PCDHA8: variants seen among roughly 807,000 people sequenced by gnomAD.
PCDHA8 encodes protocadherin alpha 8.
In PCDHA8, 53 loss-of-function variants were observed where a neutral mutation model predicts 61.8. The observed-to-expected ratio is 0.86, with a 90% CI of 0.69 to 1.08. The LOEUF is 1.08. PCDHA8 is among the 50% of genes least tolerant of loss of function. The pLI is 0.00. For synonymous variants in PCDHA8, 618 were observed against 556.6 expected (o/e 1.11, Z -1.55); for missense variants, 1,293 against 1,245.0 (o/e 1.04, Z -0.58).
intron 3 of PCDHA8, among the ~76,000 whole-genome samples, chr5:141,005,306 C>T (rs1563689503): frequency 6.6e-6 from 1 of 152,158 alleles, no homozygotes; most frequent in Non-Finnish European, 1.5e-5. Context: ...CTTTGTGAAT[C>T]TTACAGTGGT....
chr5:140,985,739 CTTTTTTT>C (rs11372071), intron 3 of PCDHA8, among the ~76,000 whole-genome samples: 2 of 117,922 alleles, frequency 1.7e-5, no homozygotes, highest in African/African-American at 6.4e-5. Flanking sequence ...TGATGAATTC[CTTTTTTT>C]TTTTTTTTTT....
At chr5:140,942,351 G>GCAGTTAA (rs1563195355) in intron 1 of PCDHA8, among the ~76,000 whole-genome samples, 1 of 152,024 alleles carries the variant, frequency 6.6e-6, no homozygotes. Context: ...GGCGGAGGTT[G>GCAGTTAA]CAGTTAACGG....
At chr5:140,870,489 C>A in intron 1 of PCDHA8, 1 of 1,614,222 alleles carries the variant, frequency 6.2e-7, no homozygotes, top group South Asian at 1.1e-5. Context: ...ACACCGTGTT[C>A]GTGAAGGAGA....
chr5:140,857,209 T>C (rs2044423092), intron 1 of PCDHA8: 1 of 1,598,580 alleles, frequency 6.3e-7, no homozygotes, highest in South Asian at 1.1e-5. Flanking sequence ...TCACCTGCTC[T>C]CTGACGCCTC....
At chr5:140,858,446 T>C in intron 1 of PCDHA8, 1 of 1,533,674 alleles carries the variant, frequency 6.5e-7, no homozygotes, top group Non-Finnish European at 8.9e-7. Context: ...GGTGGGTTAT[T>C]ACGTTTTCAT....
In PCDHA8 at chr5:140,903,111, A is replaced by G. The variant is rs1002837275; in HGVS notation, c.2394+59396A>G. ...CATTGCTGGATCAAATAATAGCTCT[A>G]CTTCTAAATCTTTAAGAAATCTCCA... On this transcript the variant is annotated intron_variant, in intron 1 of 3. Transcript: ENST00000531613. Among the ~76,000 whole-genome samples, 13 of 152,306 alleles carry G rather than the reference A, an allele frequency of 8.5e-5. No individual in the cohort carries two copies. In the East Asian group the frequency reaches 2.5e-3, roughly 29 times the overall value.
intron 1 of PCDHA8, among the ~76,000 whole-genome samples, chr5:140,977,305 AC>A (rs1424604910): frequency 6.6e-6 from 1 of 152,258 alleles, no homozygotes; most frequent in African/African-American, 2.4e-5. Flanking sequence ...TGACAAGCTA[AC>A]GATAGTGCTC....
chr5:140,882,928 C>G (rs1554176132), intron 1 of PCDHA8: 1 of 1,614,140 alleles, frequency 6.2e-7, no homozygotes, highest in South Asian at 1.1e-5. Flanking sequence ...GAGGTAAACC[C>G]GAGCTGACTG....
chr5:140,937,413 TTAGA>T (rs781915768), intron 1 of PCDHA8, among the ~76,000 whole-genome samples: 3 of 152,228 alleles, frequency 2.0e-5, no homozygotes, highest in Non-Finnish European at 2.9e-5. Flanking sequence ...ACAACTTTTA[TTAGA>T]TAGCTGATAT....
intron 1 of PCDHA8, among the ~76,000 whole-genome samples, chr5:140,970,530 T>C (rs1554232541): frequency 6.6e-6 from 1 of 151,424 alleles, no homozygotes; most frequent in Non-Finnish European, 1.5e-5. Context: ...GATGAATATG[T>C]GTGTGTGTTT....
chr5:140,883,621 C>G (rs368758287), intron 1 of PCDHA8: 2 of 1,613,850 alleles, frequency 1.2e-6, no homozygotes, highest in African/African-American at 2.7e-5. Flanking sequence ...TGAACGACAA[C>G]GCGCCGGCGT....
Position 140,848,471 on chromosome 5 carries a change from A to C in PCDHA8, c.2394+4756A>C, listed in dbSNP as rs1410675725. 39 of 1,555,188 alleles carry C rather than the reference A, an allele frequency of 2.5e-5. 4 individuals carry two copies. Among genetic ancestry groups the C allele is most frequent in the Non-Finnish European group, 3.2e-5 (37 of 1,144,100 alleles). On this transcript the variant is annotated intron_variant, in intron 1 of 3. Transcript: ENST00000531613. ...TCTAATTTGGAGGCAATTTTCACTA[A>C]TTAGAAGAAGACTGAGTATTTGAAA...
At chr5:140,893,456 C>G (rs781790396) in intron 1 of PCDHA8, among the ~76,000 whole-genome samples, 44 of 151,918 alleles carry the variant, frequency 2.9e-4, no homozygotes, top group Non-Finnish European at 2.6e-4. Flanking sequence ...AGTTCAAGAC[C>G]AGCCTGGGCA....
chr5:140,966,925 A>C (rs782069766), intron 1 of PCDHA8: 1 of 1,603,462 alleles, frequency 6.2e-7, no homozygotes, highest in Non-Finnish European at 8.5e-7. Context: ...AGGAGCAGGC[A>C]CCCGGCGCGC....
intron 1 of PCDHA8, chr5:140,859,459 C>A (rs1379028308): frequency 9.2e-6 from 2 of 216,756 alleles, no homozygotes; most frequent in Non-Finnish European, 1.8e-5. Context: ...AGTGACAAAA[C>A]TACACTATCA....
chr5:140,941,211 CTTCCTTTCTTTCTTTCTTTCTTT>C (rs2092859339), intron 1 of PCDHA8, among the ~76,000 whole-genome samples: 20 of 129,726 alleles, frequency 1.5e-4, no homozygotes, highest in Admixed American at 7.8e-4. Flanking sequence ...TCCTTTCTTT[CTTCCTTTCTTTCTTTCTTTCTTT>C]CTTTCTTTCT....
chr5:140,929,279 T>C (rs368682683), intron 1 of PCDHA8: 1 of 1,603,874 alleles, frequency 6.2e-7, no homozygotes, highest in Non-Finnish European at 8.5e-7. Context: ...ATATCCTGTA[T>C]TCAGATTCGG....
chr5:140,969,700 A>G (rs2096354004), intron 1 of PCDHA8, among the ~76,000 whole-genome samples: 1 of 152,178 alleles, frequency 6.6e-6, no homozygotes. Context: ...CCTCTGCTGT[A>G]TCATCTACAG....
intron 1 of PCDHA8, among the ~76,000 whole-genome samples, chr5:140,957,038 C>A (rs534661886): frequency 2.0e-5 from 3 of 151,928 alleles, no homozygotes; most frequent in African/African-American, 7.3e-5. Context: ...TTATGGGAGT[C>A]ATATAAAATA....
Sources: allele counts gnomAD v4.1 joint callset (sites outside exome capture counted in the v4.1 genomes callset), GRCh38; gene constraint gnomAD v4.1.1; transcripts MANE v1.5; gene names NCBI Gene and HGNC (gene_info 2026-07-23, HGNC 2026-07-21).